The following UVRAG variants were observed in gnomAD, a reference collection of about 807,000 sequenced individuals.
UVRAG encodes the protein UV radiation resistance associated.
UVRAG carries 19 observed loss-of-function variants against 78.0 expected under a neutral mutation model. The ratio of observed to expected loss-of-function variants is 0.24; its 90% confidence interval spans 0.17 to 0.36. The LOEUF is 0.36. Among genes scored for constraint, UVRAG ranks in the 10% least tolerant of loss-of-function variants. The pLI, the probability that UVRAG is intolerant of heterozygous loss-of-function variation, is 1.00. For missense variants in UVRAG, 740 were observed against 853.8 expected (o/e 0.87, Z 1.66); for synonymous variants, 323 against 324.6 (o/e 1.00, Z 0.05).
At chr11:75,901,628 G>A (rs140518842) in intron 5 of UVRAG, among the ~76,000 whole-genome samples, 118 of 152,250 alleles carry the variant, frequency 7.8e-4, no homozygotes, top group African/African-American at 2.6e-3. Flanking sequence ...CTTCTTCTGT[G>A]TTTCCATCAC....
At chr11:75,846,111 C>G (rs1214089493) in intron 1 of UVRAG, among the ~76,000 whole-genome samples, 1 of 152,164 alleles carries the variant, frequency 6.6e-6, no homozygotes, top group African/African-American at 2.4e-5. Context: ...ACCAGTAATT[C>G]TGTTTAGAAA....
In UVRAG at chr11:75,857,160, A is replaced by G. The variant is rs749181561; in HGVS notation, c.236-4586A>G. Among the ~76,000 whole-genome samples, 14 of 152,310 alleles carry G rather than the reference A, an allele frequency of 9.2e-5. 1 individual carries two copies. The highest frequency in any genetic ancestry group is 5.9e-4 in the Admixed American group (9 of 15,294). Reference sequence around the variant, plus strand: ...ATGCAACTCCGTCAGTCTGTTCTCAACTGAGATCCTGTTAAAATGAAAGTC... The same window carrying G: ...ATGCAACTCCGTCAGTCTGTTCTCAGCTGAGATCCTGTTAAAATGAAAGTC... On this transcript the variant is annotated intron_variant, in intron 2 of 14. Transcript: ENST00000356136.
chr11:76,083,147 A>G (rs981240068), intron 13 of UVRAG, among the ~76,000 whole-genome samples: 3 of 152,208 alleles, frequency 2.0e-5, no homozygotes, highest in African/African-American at 4.8e-5. Context: ...ATTGATACCT[A>G]TATGCAAAGA....
intron 7 of UVRAG, among the ~76,000 whole-genome samples, chr11:75,980,650 T>C (rs115262667): frequency 0.011 from 1,698 of 152,152 alleles, 35 homozygotes; most frequent in African/African-American, 0.038. Context: ...AATTTTGCCT[T>C]TTCTCTTTTT....
chr11:75,870,798 A>T (rs1180002043), intron 3 of UVRAG, among the ~76,000 whole-genome samples: 1 of 152,220 alleles, frequency 6.6e-6, no homozygotes, highest in African/African-American at 2.4e-5. Flanking sequence ...TAAATGCACA[A>T]ATAATAGCCT....
chr11:75,928,939 C>CAAAAAAAA (rs368913080), intron 6 of UVRAG, among the ~76,000 whole-genome samples: 10 of 67,478 alleles, frequency 1.5e-4, no homozygotes, highest in African/African-American at 3.9e-4. Context: ...GAGACTGTCT[C>CAAAAAAAA]AAAAAAAAAA....
chr11:75,825,296 T>C (rs1010106445), intron 1 of UVRAG, among the ~76,000 whole-genome samples: 6 of 151,880 alleles, frequency 4.0e-5, no homozygotes, highest in Admixed American at 1.3e-4. Context: ...GTATTTTTAG[T>C]AGAGACGGGT....
chr11:75,993,490 TAAA>T lies in UVRAG; in HGVS notation c.826+9980_826+9982del, dbSNP rs139174163. 1.7e-3 allele frequency among the ~76,000 whole-genome samples: 265 copies of T among 152,270 alleles called. 1 individual carries two copies. Among genetic ancestry groups the T allele is most frequent in the Non-Finnish European group, 3.3e-3 (223 of 68,028 alleles). Reference sequence around the variant, plus strand: ...TAGTAGTTTAACTTAGGATGTTTAATAAAAACCAGATTTCCCCTCAGTAACTCA... The same window carrying T: ...TAGTAGTTTAACTTAGGATGTTTAATAACCAGATTTCCCCTCAGTAACTCA... On this transcript the variant is annotated intron_variant, in intron 8 of 14. Transcript: ENST00000356136.
chr11:75,832,010 G>T (rs373184879), intron 1 of UVRAG, among the ~76,000 whole-genome samples: 51 of 152,246 alleles, frequency 3.3e-4, no homozygotes, highest in Non-Finnish European at 4.0e-4. Context: ...GGCTGTATGG[G>T]CACTCCATGT....
At chr11:75,836,650 C>A (rs1233857122) in intron 1 of UVRAG, among the ~76,000 whole-genome samples, 1 of 152,178 alleles carries the variant, frequency 6.6e-6, no homozygotes, top group East Asian at 1.9e-4. Context: ...CACGAAAAAG[C>A]AGCTTCCCTC....
chr11:75,952,121 T>A lies in UVRAG; in HGVS notation c.594-9323T>A, dbSNP rs143527653. On this transcript the variant is annotated intron_variant, in intron 6 of 14. Transcript: ENST00000356136. The stretch of plus-strand genomic sequence containing the variant: ...AATAGAAACACTGATTGATTTTTAA[T>A]ATATTAATTTAAACTCTTGCAATTT... Among the ~76,000 whole-genome samples, 773 of 152,338 alleles carry A rather than the reference T, an allele frequency of 5.1e-3. 8 individuals are homozygous for A. The highest frequency in any genetic ancestry group is 0.017 in the African/African-American group (711 of 41,586).
chr11:75,824,055 C>A (rs1335946907), intron 1 of UVRAG, among the ~76,000 whole-genome samples: 1 of 151,944 alleles, frequency 6.6e-6, no homozygotes, highest in Non-Finnish European at 1.5e-5. Context: ...AATCATTTTT[C>A]TATTACTAAA....
At chr11:75,827,312 A>T (rs1437511698) in intron 1 of UVRAG, among the ~76,000 whole-genome samples, 1 of 151,940 alleles carries the variant, frequency 6.6e-6, no homozygotes, top group Non-Finnish European at 1.5e-5. Flanking sequence ...ATATTAGCGT[A>T]TGTTAAAACT....
chr11:76,111,721 C>T (rs1952069207), intron 13 of UVRAG, among the ~76,000 whole-genome samples: 1 of 152,010 alleles, frequency 6.6e-6, no homozygotes, highest in Non-Finnish European at 1.5e-5. Flanking sequence ...GTAGTACTAA[C>T]CTTTCCCCGT....
chr11:75,840,288 G>A (rs1945881639), intron 1 of UVRAG, among the ~76,000 whole-genome samples: 5 of 151,614 alleles, frequency 3.3e-5, no homozygotes, highest in Admixed American at 3.3e-4. Context: ...ATAATAGTCT[G>A]TAAAGGCAAT....
intron 4 of UVRAG, among the ~76,000 whole-genome samples, chr11:75,880,327 A>G (rs1443063597): frequency 1.3e-5 from 2 of 152,240 alleles, no homozygotes; most frequent in African/African-American, 4.8e-5. Context: ...GTGCTTTCTC[A>G]TAGCATTTTG....
chr11:75,958,983 TC>T, intron 6 of UVRAG, among the ~76,000 whole-genome samples: 3 of 152,342 alleles, frequency 2.0e-5, no homozygotes, highest in Middle Eastern at 6.8e-3. Flanking sequence ...AAATCTTTTT[TC>T]TAAGCAGTAG....
intron 12 of UVRAG, among the ~76,000 whole-genome samples, chr11:76,054,084 G>C (rs1014717539): frequency 2.0e-5 from 3 of 151,980 alleles, no homozygotes; most frequent in Non-Finnish European, 1.5e-5. Flanking sequence ...GATCTTAGCA[G>C]CCTAATCTTA....
chr11:76,066,360 T>C (rs1951185696), intron 13 of UVRAG, among the ~76,000 whole-genome samples: 2 of 152,226 alleles, frequency 1.3e-5, no homozygotes, highest in Admixed American at 1.3e-4. Flanking sequence ...GTTTGTATTT[T>C]CCTGAAAGAA....
Sources: gnomAD v4.1 joint callset for allele counts (sites outside exome capture counted in the v4.1 genomes callset) on GRCh38, gnomAD v4.1.1 for gene constraint, MANE v1.5 for transcripts, NCBI Gene and HGNC (gene_info 2026-07-23, HGNC 2026-07-21) for gene names.